Variants in EPS15 observed in about 807,000 individuals in gnomAD.
The protein encoded by EPS15 is epidermal growth factor receptor substrate 15.
Under a neutral mutation model 113.8 loss-of-function variants are expected in EPS15, and 72 were observed. The observed-to-expected ratio is 0.63, with a 90% confidence interval of 0.52 to 0.77. The LOEUF (loss-of-function observed/expected upper bound fraction) is 0.77. EPS15 is among the 30% of genes least tolerant of loss of function. EPS15 has a pLI of 0.00. For synonymous variants in EPS15, 344 were observed against 363.4 expected (o/e 0.95, Z 0.61); for missense variants, 1,048 against 1,045.8 (o/e 1.00, Z -0.03).
At chr1:51,366,552 G>T (rs1646512299) in intron 21 of EPS15, among the ~76,000 whole-genome samples, 1 of 152,082 alleles carries the variant, frequency 6.6e-6, no homozygotes, top group Non-Finnish European at 1.5e-5. Context: ...TAAAGTAATA[G>T]CAAATAAAGT....
intron 13 of EPS15, among the ~76,000 whole-genome samples, chr1:51,413,002 T>G (rs1300463165): frequency 6.6e-6 from 1 of 152,244 alleles, no homozygotes; most frequent in Non-Finnish European, 1.5e-5. Context: ...TCTAGAGGAT[T>G]AAGTAAAACT....
chr1:51,422,982 A>G (rs1388281161), intron 12 of EPS15, among the ~76,000 whole-genome samples: 1 of 152,218 alleles, frequency 6.6e-6, no homozygotes, highest in African/African-American at 2.4e-5. Context: ...CTCCAGCATA[A>G]AGGAAAGTGA....
chr1:51,365,879 A>G (rs1646496365), intron 22 of EPS15, 74 bp downstream of exon 22: 15 of 985,198 alleles, frequency 1.5e-5, no homozygotes, highest in Non-Finnish European at 2.3e-5. Flanking sequence ...AGAGGACTAT[A>G]TAATTGAAAG....
Position 51,356,860 on chromosome 1 carries a change from G to C in EPS15, c.2545-14C>G, listed in dbSNP as rs199816658. ...TTCAGAGGGATACTGCCATTTAAAA[G>C]ATCGATGAACAAACGAATAAATAAA... On this transcript the variant is annotated splice_polypyrimidine_tract_variant and intron_variant, in intron 24 of 24. Transcript: ENST00000371733. 2 of 1,598,966 alleles carry C rather than the reference G, an allele frequency of 1.3e-6. No homozygotes were observed. Among genetic ancestry groups the C allele is most frequent in the Non-Finnish European group, 1.7e-6 (2 of 1,174,748 alleles).
chr1:51,423,632 A>T, intron 12 of EPS15: 1 of 985,282 alleles, frequency 1.0e-6, no homozygotes, highest in Non-Finnish European at 1.2e-6. Context: ...ACAGTGTCAC[A>T]GATCAGCAGT....
intron 8 of EPS15, among the ~76,000 whole-genome samples, chr1:51,452,864 A>G (rs193045745): frequency 6.6e-6 from 1 of 152,324 alleles, no homozygotes; most frequent in African/African-American, 2.4e-5. Context: ...ACAGCATGAT[A>G]AAGCACAGAT....
intron 12 of EPS15, among the ~76,000 whole-genome samples, chr1:51,430,022 G>A (rs72696113): frequency 1.3e-3 from 201 of 152,176 alleles, no homozygotes; most frequent in Admixed American, 3.4e-3. Context: ...TTTGAACACC[G>A]AATGGCATTA....
At chr1:51,483,860 A>T (rs1364756759) in intron 1 of EPS15, among the ~76,000 whole-genome samples, 1 of 151,158 alleles carries the variant, frequency 6.6e-6, no homozygotes, top group Non-Finnish European at 1.5e-5. Flanking sequence ...TAATCCCAGG[A>T]GGGGATTTGG....
At chr1:51,490,206 A>T in intron 1 of EPS15, 1 of 399,450 alleles carries the variant, frequency 2.5e-6, no homozygotes, top group East Asian at 9.8e-5. Flanking sequence ...TGAGAGTACA[A>T]GATTCTCTAA....
chr1:51,478,892 T>C (rs1643967541), intron 2 of EPS15, among the ~76,000 whole-genome samples: 1 of 152,312 alleles, frequency 6.6e-6, no homozygotes, highest in African/African-American at 2.4e-5. Flanking sequence ...CTTAACATTT[T>C]TTCCTTCATT....
intron 8 of EPS15, among the ~76,000 whole-genome samples, chr1:51,451,654 C>T (rs1300842589): frequency 6.6e-6 from 1 of 151,430 alleles, no homozygotes; most frequent in African/African-American, 2.4e-5. Flanking sequence ...TATATTGATT[C>T]TTGAACCATG....
intron 21 of EPS15, among the ~76,000 whole-genome samples, chr1:51,367,637 G>A (rs181142363): frequency 4.7e-4 from 72 of 152,258 alleles, no homozygotes; most frequent in Non-Finnish European, 9.8e-4. Context: ...TTACCAAGCA[G>A]ACTAACATTT....
chr1:51,464,262 C>T (rs1303708500), intron 6 of EPS15, among the ~76,000 whole-genome samples: 2 of 141,848 alleles, frequency 1.4e-5, no homozygotes, highest in Admixed American at 7.2e-5. Flanking sequence ...TTTTTTGAGA[C>T]GGAGTCTTGC....
intron 21 of EPS15, among the ~76,000 whole-genome samples, chr1:51,377,911 T>C (rs1388168879): frequency 3.3e-5 from 5 of 151,788 alleles, no homozygotes; most frequent in African/African-American, 9.7e-5. Flanking sequence ...TTTTTTTTTT[T>C]TGAGATGGAG....
chr1:51,425,061 T>G (rs1463218064), intron 12 of EPS15, among the ~76,000 whole-genome samples: 1 of 152,188 alleles, frequency 6.6e-6, no homozygotes, highest in Non-Finnish European at 1.5e-5. Flanking sequence ...TTAGACTATC[T>G]TTCAGGTTTT....
At chr1:51,380,580 T>A (rs535177644) in intron 21 of EPS15, among the ~76,000 whole-genome samples, 1 of 152,116 alleles carries the variant, frequency 6.6e-6, no homozygotes, top group African/African-American at 2.4e-5. Context: ...ATAAAAAATG[T>A]CACTACAAAA....
intron 11 of EPS15, among the ~76,000 whole-genome samples, chr1:51,443,795 G>C (rs761711180): frequency 3.3e-5 from 5 of 151,810 alleles, no homozygotes; most frequent in African/African-American, 4.8e-5. Flanking sequence ...TAGAACTACA[G>C]GTACACGCCA....
intron 7 of EPS15, among the ~76,000 whole-genome samples, chr1:51,462,371 GA>G (rs796097880): frequency 0.032 from 3,763 of 117,360 alleles, 71 homozygotes; most frequent in South Asian, 0.056. Context: ...CTCAAAAAAA[GA>G]AAAAAAAAAA....
chr1:51,460,959 GA>G (rs75776274), intron 8 of EPS15, 131 bp downstream of exon 8: 37,312 of 455,202 alleles, frequency 0.082, 112 homozygotes, highest in African/African-American at 0.1. Context: ...GTCTCAAAAA[GA>G]AAAAAAAAAA....
Sources: gnomAD v4.1 joint callset for allele counts (sites outside exome capture counted in the v4.1 genomes callset) on GRCh38, gnomAD v4.1.1 for gene constraint, MANE v1.5 for transcripts, NCBI Gene and HGNC (gene_info 2026-07-23, HGNC 2026-07-21) for gene names.